SKP1: variants seen among roughly 807,000 people sequenced by gnomAD.
SKP1 encodes the protein S-phase kinase associated protein 1.
SKP1 carries 1 observed loss-of-function variant against 21.5 expected under a neutral mutation model. The observed-to-expected ratio is 0.05, with a 90% CI of 0.02 to 0.22. The LOEUF is 0.22. Among genes scored for constraint, SKP1 ranks in the 10% least tolerant of loss-of-function variants. The pLI is 1.00. For synonymous variants in SKP1, 59 were observed against 59.3 expected, an observed-to-expected ratio of 0.99 and a Z score of 0.03; for missense variants, 70 against 192.0, an observed-to-expected ratio of 0.36 and a Z score of 3.76.
chr5:134,172,935 C>T (rs547893236), intron 2 of SKP1, among the ~76,000 whole-genome samples: 1 of 151,104 alleles, frequency 6.6e-6, no homozygotes, highest in Non-Finnish European at 1.5e-5. Flanking sequence ...TCACTTGAAC[C>T]CGGGGGGCAG....
intron 2 of SKP1, chr5:134,170,864 A>C (rs1761426123): frequency 2.6e-6 from 1 of 380,730 alleles, no homozygotes; most frequent in African/African-American, 2.1e-5. Flanking sequence ...CCAAGATAAA[A>C]TAAAGAACAC....
intron 1 of SKP1, among the ~76,000 whole-genome samples, 154 bp from the exon 2 acceptor site, chr5:134,174,176 A>T (rs1761495589): frequency 6.6e-6 from 1 of 152,250 alleles, no homozygotes; most frequent in South Asian, 2.1e-4. Flanking sequence ...GTAAGCAGTT[A>T]TTCACAAGTT....
Position 134,158,521 on chromosome 5 carries a change from T to C in SKP1, c.390A>G (p.Lys130=), listed in dbSNP as rs1379972559. The C allele has an allele frequency of 6.2e-6, 10 of 1,613,794 alleles. No homozygotes were observed. Among genetic ancestry groups the C allele is most frequent in the Non-Finnish European group, 8.5e-6 (10 of 1,179,898 alleles). ...CKTVANMIKG[K]TPEEIRKTFN... Reference sequence around the variant, plus strand: ...AGGTCTTGCGAATCTCCTCAGGAGTTTTCCCCTTGATCATATTGGCAACAG... The same window carrying C: ...AGGTCTTGCGAATCTCCTCAGGAGTCTTCCCCTTGATCATATTGGCAACAG... The change falls in exon 5 of 6, where the codon AAA becomes AAG. Residue 130 remains lysine, a synonymous_variant. Coordinates refer to ENST00000353411, the MANE Select transcript of SKP1 (RefSeq NM_170679.3).
chr5:134,170,982 G>T, intron 2 of SKP1: 1 of 452,966 alleles, frequency 2.2e-6, no homozygotes, highest in African/African-American at 2.0e-5. Context: ...ATTGCTTTCA[G>T]TTTTTTTTAG....
intron 3 of SKP1, among the ~76,000 whole-genome samples, chr5:134,166,871 G>A (rs552449586): frequency 2.0e-5 from 3 of 152,240 alleles, no homozygotes; most frequent in South Asian, 2.1e-4. Flanking sequence ...GCCAACCTGC[G>A]ATCCAGATAT....
At chr5:134,166,383 C>T (rs1761331366) in intron 3 of SKP1, among the ~76,000 whole-genome samples, 2 of 151,490 alleles carry the variant, frequency 1.3e-5, no homozygotes, top group South Asian at 2.1e-4. Flanking sequence ...GAGATCAAAA[C>T]CATCCTGGCC....
intron 5 of SKP1, 29 bp from the exon 6 acceptor site, chr5:134,157,797 T>G: frequency 6.2e-7 from 1 of 1,613,036 alleles, no homozygotes; most frequent in Non-Finnish European, 8.5e-7. Context: ...GGGAAGTACC[T>G]TAACTTGAGT....
intron 2 of SKP1, 193 bp downstream of exon 2, chr5:134,173,733 C>T: frequency 1.5e-6 from 1 of 678,366 alleles, no homozygotes; most frequent in Middle Eastern, 2.4e-4. Context: ...GAGAGAACGA[C>T]CCTCACTAAT....
chr5:134,158,608 A>C lies in SKP1; in HGVS notation c.316-13T>G. 6.2e-7 allele frequency: 1 copy of C among 1,610,776 alleles called. No homozygotes were observed. The highest frequency in any genetic ancestry group is 2.2e-5 in the East Asian group (1 of 44,856). On this transcript the variant is annotated splice_polypyrimidine_tract_variant and intron_variant, in intron 4 of 5. Transcript: ENST00000353411. ...AGTAGTTTGCAGCCTGTAAAGAGAC[A>C]GTTGTTTTCCTTAAAGTATACTTGA...
chr5:134,171,657 C>T (rs1761442258), intron 2 of SKP1, among the ~76,000 whole-genome samples: 1 of 152,190 alleles, frequency 6.6e-6, no homozygotes, highest in Admixed American at 6.5e-5. Context: ...TCCATCCCAC[C>T]CCAACTAAAA....
In SKP1 at chr5:134,161,085, CAGG is replaced by C; in HGVS notation, c.214_216del (p.Pro72del). The C allele has an allele frequency of 6.2e-7, 1 of 1,613,424 alleles. No homozygotes were observed. The highest frequency in any genetic ancestry group is 1.1e-5 in the South Asian group (1 of 91,052). The stretch of plus-strand genomic sequence containing the variant: ...CGCTTTTCTTTGTTCTCATCATCTT[CAGG>C]AGGAGGAGGGTCATCCTTGTGGTGG... On this transcript the variant is annotated inframe_deletion, in exon 4 of 6. Coordinates refer to ENST00000353411, the MANE Select transcript of SKP1 (RefSeq NM_170679.3).
At chr5:134,160,846 C>T (rs1761207485) in intron 4 of SKP1, 141 bp downstream of exon 4, 3 of 614,114 alleles carry the variant, frequency 4.9e-6, no homozygotes, top group Non-Finnish European at 8.5e-6. Flanking sequence ...TAGTGTGTTA[C>T]TGATATGTGG....
rs562710882 is a variant in SKP1, at chr5:134,163,263, A to T, written c.172-2133T>A. Among the ~76,000 whole-genome samples the T allele has an allele frequency of 1.6e-3, 234 of 150,006 alleles. 2 individuals carry two copies. The highest frequency in any genetic ancestry group is 5.3e-3 in the African/African-American group (220 of 41,208). ...CACTACTAACAAAAAATAAAAATTTAAAAATAAAAAACTCTTAAAAGGATA... is the reference window on the plus strand; with the variant it reads ...CACTACTAACAAAAAATAAAAATTTTAAAATAAAAAACTCTTAAAAGGATA... On this transcript the variant is annotated intron_variant, in intron 3 of 5. Coordinates refer to ENST00000353411, the MANE Select transcript of SKP1 (RefSeq NM_170679.3).
chr5:134,151,862 G>A lies in SKP1; in HGVS notation c.*5871C>T, dbSNP rs540993803. 101 of 326,782 alleles carry A rather than the reference G, an allele frequency of 3.1e-4. 1 individual carries two copies. Among genetic ancestry groups the A allele is most frequent in the Non-Finnish European group, 5.7e-4 (90 of 158,288 alleles). 20.2% of individuals were successfully genotyped at this position (326,782 alleles called of 1,614,324 possible). A position where few individuals can be genotyped will look rare whatever the true frequency, so the allele number is the denominator to read the frequency against. ...ATCACTCAAACTATGTCCCGCATTGGAAGTGTGTCAAGCAAGAGCACCTTC... is the reference window on the plus strand; with the variant it reads ...ATCACTCAAACTATGTCCCGCATTGAAAGTGTGTCAAGCAAGAGCACCTTC... On this transcript the variant is annotated 3_prime_UTR_variant, in exon 6 of 6. Coordinates refer to ENST00000353411, the MANE Select transcript of SKP1 (RefSeq NM_170679.3).
rs572230425 is a variant in SKP1 at position 134,151,409 on chromosome 5, G to A, written c.*6324C>T. Reference sequence around the variant, plus strand: ...CTTCTCTATTTTCCCACCCCTTTCCGTAAGCTTCCTGGAACAGAAAAATCT... The same window carrying A: ...CTTCTCTATTTTCCCACCCCTTTCCATAAGCTTCCTGGAACAGAAAAATCT... On this transcript the variant is annotated 3_prime_UTR_variant, in exon 6 of 6. Coordinates refer to ENST00000353411, the MANE Select transcript of SKP1 (RefSeq NM_170679.3). 2.1e-4 allele frequency: 47 copies of A among 226,730 alleles called. No homozygotes were observed. Among genetic ancestry groups the A allele is most frequent in the South Asian group, 1.7e-4 (3 of 17,722 alleles). 14.0% of individuals were successfully genotyped at this position (226,730 alleles called of 1,614,324 possible).
intron 2 of SKP1, chr5:134,170,844 G>C (rs1761425783): frequency 2.7e-6 from 1 of 370,834 alleles, no homozygotes; most frequent in South Asian, 2.1e-5. Flanking sequence ...ACAGATTAGT[G>C]TGTCAGGCAC....
At chr5:134,171,746 A>C (rs1355153145) in intron 2 of SKP1, among the ~76,000 whole-genome samples, 1 of 152,206 alleles carries the variant, frequency 6.6e-6, no homozygotes, top group Admixed American at 6.5e-5. Context: ...ATTTTACTAG[A>C]TTTGAAATAT....
In SKP1 at chr5:134,151,872, A is replaced by G. The variant is rs1196415764; in HGVS notation, c.*5861T>C. 3.1e-6 allele frequency: 1 copy of G among 320,376 alleles called. No homozygotes were observed. Among genetic ancestry groups the G allele is most frequent in the Non-Finnish European group, 6.4e-6 (1 of 155,270 alleles). 19.8% of individuals were successfully genotyped at this position (320,376 alleles called of 1,614,324 possible). ...CTATGTCCCGCATTGGAAGTGTGTC[A>G]AGCAAGAGCACCTTCGACAACACTT... is the stretch of plus-strand genomic sequence containing the variant. On this transcript the variant is annotated 3_prime_UTR_variant, in exon 6 of 6. Coordinates refer to ENST00000353411, the MANE Select transcript of SKP1 (RefSeq NM_170679.3).
chr5:134,151,648 A>G lies in SKP1; in HGVS notation c.*6085T>C, dbSNP rs1385287282. 1 of 456,242 alleles carries G rather than the reference A, an allele frequency of 2.2e-6. No individual in the cohort carries two copies. The highest frequency in any genetic ancestry group is 2.3e-5 in the Admixed American group (1 of 42,570). 28.3% of individuals were successfully genotyped at this position (456,242 alleles called of 1,614,324 possible). On this transcript the variant is annotated 3_prime_UTR_variant, in exon 6 of 6. Transcript: ENST00000353411. ...TCAGAAGGTCTGAATATACTTAAAT[A>G]CTTCCAGAAAATTTAAAGTTGACAG...
Sources: gnomAD v4.1 joint callset for allele counts (sites outside exome capture counted in the v4.1 genomes callset) on GRCh38, gnomAD v4.1.1 for gene constraint, MANE v1.5 for transcripts, NCBI Gene and HGNC (gene_info 2026-07-23, HGNC 2026-07-21) for gene names.